Variants in CDH9 observed in about 807,000 individuals in gnomAD.
The protein encoded by CDH9 is cadherin 9, also known as cadherin-9.
A neutral mutation model predicts 70.9 loss-of-function variants in CDH9; 28 were observed. The observed-to-expected ratio is 0.40, with a 90% CI of 0.29 to 0.54. The LOEUF is 0.54. Among genes scored for constraint, CDH9 ranks in the 20% least tolerant of loss-of-function variants. CDH9 has a pLI of 0.59. For missense variants in CDH9, 874 were observed against 984.4 expected (o/e 0.89, Z 1.50); for synonymous variants, 409 against 343.1 (o/e 1.19, Z -2.12).
chr5:27,036,063 T>C (rs573667567), intron 1 of CDH9, among the ~76,000 whole-genome samples: 25 of 152,004 alleles, frequency 1.6e-4, no homozygotes, highest in African/African-American at 5.3e-4. Flanking sequence ...TTTTATATTA[T>C]ATAATTTGTA....
chr5:26,958,506 C>A (rs1166448784), intron 2 of CDH9, among the ~76,000 whole-genome samples: 5 of 152,032 alleles, frequency 3.3e-5, no homozygotes, highest in South Asian at 2.1e-4. Context: ...TGAAGTTCAG[C>A]GGTAAGTCAG....
chr5:26,912,753 C>T (rs1391077267), intron 3 of CDH9, among the ~76,000 whole-genome samples: 1 of 152,022 alleles, frequency 6.6e-6, no homozygotes, highest in African/African-American at 2.4e-5. Flanking sequence ...ATAAAATTGT[C>T]CAGCTATCTC....
intron 2 of CDH9, among the ~76,000 whole-genome samples, chr5:26,973,113 C>T (rs1742249166): frequency 6.6e-6 from 1 of 152,066 alleles, no homozygotes; most frequent in Non-Finnish European, 1.5e-5. Flanking sequence ...CTGCCCGCCT[C>T]GGCCTCCCAA....
At chr5:26,996,888 TA>T (rs1383952528) in intron 1 of CDH9, among the ~76,000 whole-genome samples, 2 of 151,994 alleles carry the variant, frequency 1.3e-5, no homozygotes, top group African/African-American at 4.8e-5. Flanking sequence ...ATTAGTGGTG[TA>T]AAATTAGTTT....
chr5:26,932,392 A>G (rs536232896), intron 2 of CDH9, among the ~76,000 whole-genome samples: 3 of 151,630 alleles, frequency 2.0e-5, no homozygotes, highest in Admixed American at 6.6e-5. Context: ...GAGCCCCAGT[A>G]TGCATTAACA....
intron 2 of CDH9, among the ~76,000 whole-genome samples, chr5:26,971,355 T>G (rs943697729): frequency 6.6e-6 from 1 of 152,152 alleles, no homozygotes; most frequent in African/African-American, 2.4e-5. Flanking sequence ...ATTTTTACAC[T>G]CTGGGGAGTG....
intron 1 of CDH9, among the ~76,000 whole-genome samples, chr5:27,002,984 A>G (rs1161559807): frequency 1.3e-5 from 2 of 152,286 alleles, no homozygotes; most frequent in East Asian, 3.9e-4. Flanking sequence ...GCATTGTGTT[A>G]TAACCCAATA....
At chr5:26,911,008 T>C (rs1741043672) in intron 3 of CDH9, among the ~76,000 whole-genome samples, 1 of 152,196 alleles carries the variant, frequency 6.6e-6, no homozygotes, top group African/African-American at 2.4e-5. Flanking sequence ...AAATCATGCT[T>C]TGTTAGATAT....
At chr5:26,970,051 A>G (rs1561023379) in intron 2 of CDH9, among the ~76,000 whole-genome samples, 1 of 151,060 alleles carries the variant, frequency 6.6e-6, no homozygotes, top group East Asian at 1.9e-4. Flanking sequence ...TATATTCTTA[A>G]GTTATAGCAA....
intron 3 of CDH9, among the ~76,000 whole-genome samples, chr5:26,914,966 C>T (rs115815301): frequency 2.0e-5 from 3 of 151,936 alleles, no homozygotes; most frequent in South Asian, 2.1e-4. Flanking sequence ...TATAAAACTC[C>T]GCACAAGTGG....
At position 26,906,848 on chromosome 5, in the gene CDH9, AC is replaced by A. The variant is rs760098115; in HGVS notation, c.524-11del. ...TGTATAACAGATGTACCTACATGAA[AC>A]CCCCATCCCCAAACAGAGACATTTA... On this transcript the variant is annotated splice_polypyrimidine_tract_variant and intron_variant, in intron 3 of 11. Transcript: ENST00000231021. The A allele has an allele frequency of 9.4e-6, 15 of 1,588,544 alleles. No homozygotes were observed. Among genetic ancestry groups the A allele is most frequent in the Non-Finnish European group, 1.3e-5 (15 of 1,164,808 alleles).
At chr5:26,911,067 T>C (rs1378454937) in intron 3 of CDH9, among the ~76,000 whole-genome samples, 1 of 152,216 alleles carries the variant, frequency 6.6e-6, no homozygotes, top group Admixed American at 6.5e-5. Context: ...AGAGTCCATA[T>C]CTAGTTTGTT....
At chr5:26,961,778 G>A (rs10805793) in intron 2 of CDH9, among the ~76,000 whole-genome samples, 106,144 of 151,996 alleles carry the variant, frequency 0.7, 40,571 homozygotes, top group East Asian at 0.99. Context: ...ATGCAGTTTC[G>A]TCACCACCCA....
intron 6 of CDH9, 62 bp downstream of exon 6, chr5:26,903,575 A>T: frequency 9.2e-7 from 1 of 1,084,266 alleles, no homozygotes; most frequent in Non-Finnish European, 1.4e-6. Context: ...TTTTCCCTTT[A>T]CTGAAAAGCA....
At chr5:26,925,278 T>C (rs559342140) in intron 2 of CDH9, among the ~76,000 whole-genome samples, 1 of 152,332 alleles carries the variant, frequency 6.6e-6, no homozygotes, top group South Asian at 2.1e-4. Flanking sequence ...GTGGTTTTGA[T>C]TTGCATTTCT....
chr5:26,984,175 A>T (rs1742451312), intron 2 of CDH9, among the ~76,000 whole-genome samples: 1 of 152,246 alleles, frequency 6.6e-6, no homozygotes, highest in South Asian at 2.1e-4. Flanking sequence ...AAAGTTTCTA[A>T]ATTAAAATTA....
At chr5:27,030,321 A>G (rs1022646743) in intron 1 of CDH9, among the ~76,000 whole-genome samples, 4 of 148,340 alleles carry the variant, frequency 2.7e-5, no homozygotes, top group African/African-American at 1.0e-4. Flanking sequence ...TTCCACATCT[A>G]AGGAGTTTCT....
chr5:26,951,575 C>T (rs7725061), intron 2 of CDH9, among the ~76,000 whole-genome samples: 7,784 of 152,226 alleles, frequency 0.051, 683 homozygotes, highest in African/African-American at 0.18. Context: ...AAGCAAGTGA[C>T]TGCCCATCTT....
At chr5:27,010,942 G>T (rs926864587) in intron 1 of CDH9, among the ~76,000 whole-genome samples, 3 of 152,060 alleles carry the variant, frequency 2.0e-5, no homozygotes, top group Non-Finnish European at 4.4e-5. Flanking sequence ...AGGAATCTAA[G>T]GAATGGAAAG....
Sources: gnomAD v4.1 joint callset for allele counts (sites outside exome capture counted in the v4.1 genomes callset) on GRCh38, gnomAD v4.1.1 for gene constraint, MANE v1.5 for transcripts, NCBI Gene and HGNC (gene_info 2026-07-23, HGNC 2026-07-21) for gene names.